REEP1: variants seen among roughly 807,000 people sequenced by gnomAD.
REEP1 encodes the protein receptor expression-enhancing protein 1.
A neutral mutation model predicts 40.3 loss-of-function variants in REEP1; 22 were observed. The ratio of observed to expected loss-of-function variants is 0.55; its 90% CI spans 0.39 to 0.78. The LOEUF is 0.78. Among genes scored for constraint, REEP1 ranks in the 30% least tolerant of loss-of-function variants. The probability of loss-of-function intolerance (pLI) is 0.00; values close to 1 mark genes in which losing one functional copy is unlikely to be tolerated. For synonymous variants in REEP1, 116 were observed against 139.2 expected (o/e 0.83, Z 1.17); for missense variants, 280 against 361.1 (o/e 0.78, Z 1.82).
Position 86,337,167 on chromosome 2 carries a change from C to T in REEP1, c.32+312G>A. On this transcript the variant is annotated intron_variant, in intron 1 of 8. Coordinates refer to ENST00000538924, the MANE Select transcript of REEP1 (RefSeq NM_001371279.1). The surrounding 1 kb of genome is among the most constrained non-coding windows in gnomAD (Gnocchi z 5.8). ...TCGGGGCCTCTGCAAATCGACCGAGCTGAGGAACAAAGCGGCCAGCGCGCG... is the reference window on the plus strand; with the variant it reads ...TCGGGGCCTCTGCAAATCGACCGAGTTGAGGAACAAAGCGGCCAGCGCGCG... 5.8e-6 allele frequency: 1 copy of T among 171,968 alleles called. No homozygotes were observed. The highest frequency in any genetic ancestry group is 1.2e-5 in the Non-Finnish European group (1 of 81,344). The allele number at this position is 171,968 out of a possible 1,614,324, so 10.7% of individuals were successfully genotyped here. A position where few individuals can be genotyped will look rare whatever the true frequency, so the allele number is the denominator to read the frequency against.
intron 1 of REEP1, among the ~76,000 whole-genome samples, chr2:86,321,788 C>CAAAATATATTTCTG (rs1558936287): frequency 6.6e-6 from 1 of 152,128 alleles, no homozygotes; most frequent in East Asian, 1.9e-4. Context: ...TTGAGAGTGA[C>CAAAATATATTTCTG]AAAATATATT....
intron 3 of REEP1, among the ~76,000 whole-genome samples, chr2:86,263,278 G>A (rs552283536): frequency 3.3e-5 from 5 of 152,298 alleles, no homozygotes; most frequent in African/African-American, 1.2e-4. Context: ...CACCCAGGCT[G>A]GAGTGCAATG....
chr2:86,319,492 C>T (rs889511794), intron 1 of REEP1, among the ~76,000 whole-genome samples: 5 of 152,116 alleles, frequency 3.3e-5, no homozygotes, highest in Non-Finnish European at 5.9e-5. Context: ...GCCAGGAATT[C>T]GAGACCAGCC....
At chr2:86,337,661 T>G, upstream of REEP1, 1 of 1,024,686 alleles carries the variant, frequency 9.8e-7, no homozygotes, top group Non-Finnish European at 1.2e-6. The surrounding 1 kb of genome is among the most constrained non-coding windows in gnomAD (Gnocchi z 5.8). Context: ...CGTTCGCGCG[T>G]TGGCGCAGCC....
chr2:86,263,606 G>A (rs1676977565), intron 3 of REEP1, among the ~76,000 whole-genome samples: 1 of 152,176 alleles, frequency 6.6e-6, no homozygotes, highest in Non-Finnish European at 1.5e-5. Context: ...AATTGAGTGA[G>A]AAGGAAACTC....
At chr2:86,269,403 T>C (rs1677316049) in intron 2 of REEP1, among the ~76,000 whole-genome samples, 1 of 152,242 alleles carries the variant, frequency 6.6e-6, no homozygotes, top group African/African-American at 2.4e-5. Flanking sequence ...TCTGCAAAAT[T>C]AGCTAACTCC....
intron 1 of REEP1, among the ~76,000 whole-genome samples, chr2:86,316,476 A>G (rs1413178601): frequency 6.8e-6 from 1 of 147,360 alleles, no homozygotes; most frequent in African/African-American, 2.5e-5. Flanking sequence ...TGAACCTGGC[A>G]GGCAGAGGTT....
At chr2:86,240,699 G>T (rs1382512349) in intron 5 of REEP1, among the ~76,000 whole-genome samples, 1 of 152,188 alleles carries the variant, frequency 6.6e-6, no homozygotes, top group Non-Finnish European at 1.5e-5. Flanking sequence ...TCCACTGAAG[G>T]TTTTTGAGAG....
At position 86,214,936 on chromosome 2, in the gene REEP1, GGTT is replaced by G. The variant is rs752177185; in HGVS notation, c.*2100_*2102del. The G allele has an allele frequency of 1.3e-5, 2 of 150,936 alleles. No homozygotes were observed. Among genetic ancestry groups the G allele is most frequent in the Non-Finnish European group, 2.9e-5 (2 of 67,834 alleles). The allele number at this position is 150,936 out of a possible 1,614,324, so 9.3% of individuals were successfully genotyped here. ...TCCATTGTAAAATGGCGAAAATATA[GGTT>G]GTTCACGATAGGATTTTAAACTGCT... On this transcript the variant is annotated 3_prime_UTR_variant, in exon 9 of 9. Transcript: ENST00000538924.
intron 7 of REEP1, among the ~76,000 whole-genome samples, chr2:86,226,476 T>C (rs1296400312): frequency 1.6e-5 from 2 of 127,444 alleles, no homozygotes. Flanking sequence ...TTCTTTTTTT[T>C]TTTTTTTTTT....
intron 7 of REEP1, among the ~76,000 whole-genome samples, chr2:86,226,018 CT>C (rs1017891748): frequency 2.6e-4 from 40 of 152,066 alleles, no homozygotes; most frequent in African/African-American, 9.6e-4. Flanking sequence ...ACAGGAGTCT[CT>C]GTCCAGAACC....
rs555649744 is a variant in REEP1, at chr2:86,252,411, C to T, written c.304-341G>A. On this transcript the variant is annotated intron_variant, in intron 4 of 8. Coordinates refer to ENST00000538924, the MANE Select transcript of REEP1 (RefSeq NM_001371279.1). ...GCCACTCACCAGACACTGAAAGCAC[C>T]CAGGGTGGAGAGAGTGCCCAGAACC... Among the ~76,000 whole-genome samples the T allele has an allele frequency of 9.2e-5, 14 of 152,268 alleles. No homozygotes were observed. The East Asian group carries it at 2.7e-3, about 29-fold the overall frequency.
At chr2:86,299,161 G>A (rs1679146816) in intron 1 of REEP1, among the ~76,000 whole-genome samples, 1 of 152,140 alleles carries the variant, frequency 6.6e-6, no homozygotes, top group South Asian at 2.1e-4. Context: ...GCTAATTCCT[G>A]TCTACTCATG....
At chr2:86,275,691 C>T (rs914492290) in intron 2 of REEP1, among the ~76,000 whole-genome samples, 26 of 152,234 alleles carry the variant, frequency 1.7e-4, no homozygotes, top group Admixed American at 1.4e-3. Context: ...TCCCACTCTC[C>T]GTCAGCCTCC....
chr2:86,262,457 T>C (rs1331582617), intron 3 of REEP1, among the ~76,000 whole-genome samples: 2 of 152,254 alleles, frequency 1.3e-5, no homozygotes, highest in East Asian at 1.9e-4. Flanking sequence ...AGGAAATCCA[T>C]ACTCCTTCAC....
At chr2:86,278,227 C>A (rs1677872490) in intron 2 of REEP1, among the ~76,000 whole-genome samples, 1 of 152,184 alleles carries the variant, frequency 6.6e-6, no homozygotes, top group Non-Finnish European at 1.5e-5. Context: ...TATCTTCTAT[C>A]CATATTTTCC....
chr2:86,335,562 G>T (rs373935711), intron 1 of REEP1, among the ~76,000 whole-genome samples: 1 of 152,102 alleles, frequency 6.6e-6, no homozygotes, highest in African/African-American at 2.4e-5. Flanking sequence ...TGTAAAAAAG[G>T]GGGAGGAGCC....
chr2:86,307,152 C>T (rs1164152304), intron 1 of REEP1, among the ~76,000 whole-genome samples: 7 of 150,744 alleles, frequency 4.6e-5, no homozygotes, highest in African/African-American at 7.3e-5. Flanking sequence ...TGCAGTGAGC[C>T]GAGATCACGC....
chr2:86,331,516 A>G (rs1385492182), intron 1 of REEP1, among the ~76,000 whole-genome samples: 2 of 151,726 alleles, frequency 1.3e-5, no homozygotes, highest in East Asian at 3.9e-4. Flanking sequence ...GATCAGTGAA[A>G]GGAAAAAAAA....
Sources: gnomAD v4.1 joint callset for allele counts (sites outside exome capture counted in the v4.1 genomes callset) on GRCh38, gnomAD v4.1.1 for gene constraint, Gnocchi (gnomAD v3.1) non-coding constraint, MANE v1.5 for transcripts, NCBI Gene and HGNC (gene_info 2026-07-23, HGNC 2026-07-21) for gene names.